CEP63: variants seen among roughly 807,000 people sequenced by gnomAD.
CEP63 encodes centrosomal protein 63, also known as centrosomal protein of 63 kDa.
Under a neutral mutation model 89.1 loss-of-function variants are expected in CEP63, and 84 were observed. The ratio of observed to expected loss-of-function variants is 0.94; its 90% CI spans 0.79 to 1.13. The LOEUF is 1.13. Ranked by LOEUF, CEP63 falls within the 50% of genes most tolerant of loss-of-function variation. The probability of loss-of-function intolerance (pLI) is 0.00; values close to 1 mark genes in which losing one functional copy is unlikely to be tolerated. For missense variants in CEP63, 838 were observed against 813.3 expected, an observed-to-expected ratio of 1.03 and a Z score of -0.37; for synonymous variants, 267 against 272.5, an observed-to-expected ratio of 0.98 and a Z score of 0.20.
At chr3:134,720,392 T>C in the CEP63 span, among the ~76,000 whole-genome samples, 3 of 152,148 alleles carry the variant, frequency 2.0e-5, no homozygotes, top group African/African-American at 7.2e-5. Context: ...TTTGCAAATA[T>C]TTTCTCCTAT....
In CEP63 at chr3:134,537,317, A is replaced by G. The variant is rs12634127; in HGVS notation, c.555+49A>G. 607,307 of 1,221,208 alleles carry G rather than the reference A, an allele frequency of 0.5. 156,489 individuals carry two copies. Among genetic ancestry groups the G allele is most frequent in the East Asian group, 0.62 (26,573 of 42,884 alleles). The allele number at this position is 1,221,208 out of a possible 1,614,324, so 75.6% of individuals were successfully genotyped here. Reference sequence around the variant, plus strand: ...AATGAGAAGCAGATAGGTTTTGATCAAGTTTGAACTACCTTAATGCAGTGT... The same window carrying G: ...AATGAGAAGCAGATAGGTTTTGATCGAGTTTGAACTACCTTAATGCAGTGT... On this transcript the variant is annotated intron_variant, in intron 6 of 14. Coordinates refer to ENST00000675561, the MANE Select transcript of CEP63 (RefSeq NM_001353108.3).
At chr3:134,510,126 T>G (rs1218883299) in intron 3 of CEP63, among the ~76,000 whole-genome samples, 1 of 152,218 alleles carries the variant, frequency 6.6e-6, no homozygotes, top group Non-Finnish European at 1.5e-5. Flanking sequence ...GAGCATCTCC[T>G]AAAGTTGTCA....
At chr3:134,740,851 G>A in the CEP63 span, among the ~76,000 whole-genome samples, 1 of 152,226 alleles carries the variant, frequency 6.6e-6, no homozygotes, top group African/African-American at 2.4e-5. Flanking sequence ...ACACCTCAGA[G>A]GAGAGGAAGT....
At chr3:134,551,873 G>C in intron 11 of CEP63, 53 bp from the exon 12 acceptor site, 1 of 1,190,608 alleles carries the variant, frequency 8.4e-7, no homozygotes, top group Non-Finnish European at 1.2e-6. Flanking sequence ...AATTTTGTAA[G>C]ATGCATGTGA....
chr3:134,666,606 T>A, the CEP63 span, among the ~76,000 whole-genome samples: 1 of 151,708 alleles, frequency 6.6e-6, no homozygotes, highest in Non-Finnish European at 1.5e-5. Flanking sequence ...CAGCTAACAA[T>A]CCCCCAGGAA....
At chr3:134,760,762 A>G in the CEP63 span, among the ~76,000 whole-genome samples, 22 of 152,270 alleles carry the variant, frequency 1.4e-4, no homozygotes, top group East Asian at 3.7e-3. Flanking sequence ...TTGGCTGGAG[A>G]GAAGCTTCAT....
At chr3:134,669,608 C>A in the CEP63 span, among the ~76,000 whole-genome samples, 7 of 152,192 alleles carry the variant, frequency 4.6e-5, no homozygotes, top group African/African-American at 1.7e-4. Flanking sequence ...ACCAGTGCTA[C>A]CCCATGAGAA....
upstream of CEP63, chr3:134,485,905 A>G: frequency 1.2e-6 from 1 of 836,578 alleles, no homozygotes; most frequent in South Asian, 5.5e-5. Flanking sequence ...CAACGAACGC[A>G]TTCCCGCGCC....
Position 134,584,956 on chromosome 3 carries a change from G to GTTT in CEP63, c.1207-2486_1207-2484dup, listed in dbSNP as rs780691730. Among the ~76,000 whole-genome samples the GTTT allele has an allele frequency of 1.9e-3, 67 of 36,042 alleles. 2 individuals carry two copies. In the East Asian group the frequency reaches 0.031, roughly 16 times the overall value. The allele number at this position is 36,042 out of a possible 152,430, so 23.6% of individuals were successfully genotyped here. A position where few individuals can be genotyped will look rare whatever the true frequency, so the allele number is the denominator to read the frequency against. On this transcript the variant is annotated intron_variant, in intron 10 of 10. Transcript: ENST00000683931. ...ATCCATTTCTTCTAGATTTTCTAGG[G>GTTT]TTTTTTTTTTTTTTTTTTGCATGGA...
intron 12 of CEP63, among the ~76,000 whole-genome samples, chr3:134,554,600 G>A (rs1461800688): frequency 6.7e-6 from 1 of 150,052 alleles, no homozygotes; most frequent in Non-Finnish European, 1.5e-5. Context: ...TATATACCCA[G>A]TAATGGGATG....
chr3:134,572,755 C>A lies in CEP63; in HGVS notation c.1330-2038C>A, dbSNP rs115813822. ...TCTTTTTGGTGGAATGATTTATTTT[C>A]TTTTATATATATACCTAGTAATGGA... On this transcript the variant is annotated intron_variant, in intron 11 of 11. Coordinates refer to the CEP63 transcript ENST00000354446. Among the ~76,000 whole-genome samples, 1,152 of 152,182 alleles carry A rather than the reference C, an allele frequency of 7.6e-3. 17 individuals carry two copies. The highest frequency in any genetic ancestry group is 0.026 in the African/African-American group (1,096 of 41,520).
chr3:134,529,191 A>G (rs974609864), intron 3 of CEP63, among the ~76,000 whole-genome samples: 1 of 152,058 alleles, frequency 6.6e-6, no homozygotes, highest in African/African-American at 2.4e-5. Context: ...AATGGTAAGC[A>G]TTTTTCATGT....
chr3:134,602,369 A>G, the CEP63 span, among the ~76,000 whole-genome samples: 3 of 152,108 alleles, frequency 2.0e-5, no homozygotes, highest in East Asian at 5.8e-4. Context: ...CTGAGCAAGC[A>G]AGGAGCCCTG....
the CEP63 span, among the ~76,000 whole-genome samples, chr3:134,593,696 A>C: frequency 6.6e-6 from 1 of 152,182 alleles, no homozygotes; most frequent in Non-Finnish European, 1.5e-5. Context: ...ACCACACAAG[A>C]CAGATTTCAG....
At chr3:134,676,132 G>T in the CEP63 span, among the ~76,000 whole-genome samples, 1 of 152,158 alleles carries the variant, frequency 6.6e-6, no homozygotes, top group East Asian at 1.9e-4. Flanking sequence ...AAATGTATAC[G>T]TAAATAGCAG....
the CEP63 span, among the ~76,000 whole-genome samples, chr3:134,718,397 C>A: frequency 7.9e-5 from 12 of 152,174 alleles, no homozygotes; most frequent in Admixed American, 7.9e-4. Context: ...GTTAAGTGAG[C>A]AAATAAACTT....
At chr3:134,603,752 C>A in the CEP63 span, 1 of 1,611,972 alleles carries the variant, frequency 6.2e-7, no homozygotes, top group Non-Finnish European at 8.5e-7. Flanking sequence ...AGGACTTTGG[C>A]AATACCATGC....
chr3:134,576,219 T>G (rs1244504792), downstream of CEP63, among the ~76,000 whole-genome samples: 8 of 152,206 alleles, frequency 5.3e-5, no homozygotes, highest in Admixed American at 4.6e-4. Flanking sequence ...TCTTTTATGC[T>G]TCCACTAAAA....
chr3:134,640,115 A>AGAAAAAG, the CEP63 span, among the ~76,000 whole-genome samples: 2 of 152,064 alleles, frequency 1.3e-5, no homozygotes, highest in Non-Finnish European at 2.9e-5. Context: ...CACCTGTTGC[A>AGAAAAAG]TAAAGTCTAC....
Sources: allele counts gnomAD v4.1 joint callset (sites outside exome capture counted in the v4.1 genomes callset), GRCh38; gene constraint gnomAD v4.1.1; transcripts MANE v1.5; gene names NCBI Gene and HGNC (gene_info 2026-07-23, HGNC 2026-07-21).